CNTN4: variants seen among roughly 807,000 people sequenced by gnomAD.
CNTN4 encodes the protein contactin 4.
CNTN4 carries 77 observed loss-of-function variants against 122.5 expected under a neutral mutation model. That is an observed-to-expected ratio of 0.63 (90% CI 0.52 to 0.76). The LOEUF (loss-of-function observed/expected upper bound fraction) is 0.76, where lower values mean the gene tolerates loss of function less well. Among genes scored for constraint, CNTN4 ranks in the 30% least tolerant of loss-of-function variants. The pLI is 0.00. For synonymous variants in CNTN4, 512 were observed against 447.0 expected (o/e 1.15, Z -1.83); for missense variants, 1,256 against 1,259.1 (o/e 1.00, Z 0.04).
intron 14 of CNTN4, among the ~76,000 whole-genome samples, chr3:3,013,538 G>A (rs1697441901): frequency 6.6e-6 from 1 of 152,066 alleles, no homozygotes; most frequent in African/African-American, 2.4e-5. Flanking sequence ...GAAAATAGCA[G>A]GGTATCCTAT....
At chr3:2,705,869 AAT>A (rs1387808343) in intron 4 of CNTN4, among the ~76,000 whole-genome samples, 3 of 78,814 alleles carry the variant, frequency 3.8e-5, no homozygotes, top group East Asian at 3.3e-4. Flanking sequence ...GTTTATATAT[AAT>A]ATATATTTTT....
chr3:2,672,577 G>A (rs561009336), intron 4 of CNTN4, among the ~76,000 whole-genome samples: 9 of 152,262 alleles, frequency 5.9e-5, no homozygotes, highest in South Asian at 2.1e-4. Context: ...GAGGCAATGC[G>A]TCGCCCTGCT....
At chr3:3,055,834 T>C (rs1335486754) in intron 24 of CNTN4, among the ~76,000 whole-genome samples, 1 of 152,218 alleles carries the variant, frequency 6.6e-6, no homozygotes, top group East Asian at 1.9e-4. Flanking sequence ...CGACATAGCA[T>C]GCTGTTTATC....
At chr3:2,241,574 AATGTCTTTCAG>A (rs1301553717) in intron 2 of CNTN4, among the ~76,000 whole-genome samples, 6 of 152,128 alleles carry the variant, frequency 3.9e-5, no homozygotes, top group Non-Finnish European at 8.8e-5. Flanking sequence ...CATCTTCTGC[AATGTCTTTCAG>A]ATGTCTGCAG....
At chr3:2,825,592 G>C (rs1159633245) in intron 7 of CNTN4, among the ~76,000 whole-genome samples, 1 of 152,094 alleles carries the variant, frequency 6.6e-6, no homozygotes, top group African/African-American at 2.4e-5. Context: ...GAGAGGATGA[G>C]GTGGGAGGAT....
intron 14 of CNTN4, among the ~76,000 whole-genome samples, chr3:3,012,624 T>A (rs1476196993): frequency 6.6e-6 from 1 of 152,054 alleles, no homozygotes; most frequent in Non-Finnish European, 1.5e-5. Flanking sequence ...TAATTTTTTG[T>A]ATTTTTAGTA....
chr3:2,287,754 GAAGAAGAAGAAGAAGA>G (rs2041990379), intron 2 of CNTN4, among the ~76,000 whole-genome samples: 1 of 144,970 alleles, frequency 6.9e-6, no homozygotes, highest in Non-Finnish European at 1.5e-5. Context: ...AGAAGAAGAA[GAAGAAGAAGAAGAAGA>G]AGAAGAAGGA....
At chr3:2,308,565 T>G (rs1453672060) in intron 2 of CNTN4, among the ~76,000 whole-genome samples, 1 of 152,094 alleles carries the variant, frequency 6.6e-6, no homozygotes. Flanking sequence ...CTTCATCTTT[T>G]AAGTTTTGGC....
chr3:2,719,393 C>G (rs2087702658), intron 4 of CNTN4, among the ~76,000 whole-genome samples: 1 of 151,552 alleles, frequency 6.6e-6, no homozygotes, highest in East Asian at 2.0e-4. Flanking sequence ...CTCCTGGGTT[C>G]AAGTGATTCT....
intron 12 of CNTN4, among the ~76,000 whole-genome samples, chr3:2,923,541 A>T (rs746355619): frequency 6.6e-6 from 1 of 152,212 alleles, no homozygotes; most frequent in Non-Finnish European, 1.5e-5. Context: ...TACCTACTGC[A>T]CATGATTCCC....
At chr3:2,165,330 A>G (rs2036149981) in intron 2 of CNTN4, among the ~76,000 whole-genome samples, 1 of 152,100 alleles carries the variant, frequency 6.6e-6, no homozygotes, top group Non-Finnish European at 1.5e-5. Context: ...TCTTAAAAAA[A>G]AAAAAAGACA....
chr3:2,527,424 CTGCTGCTGCTGT>C (rs1370027073), intron 3 of CNTN4, among the ~76,000 whole-genome samples: 31 of 152,350 alleles, frequency 2.0e-4, no homozygotes, highest in South Asian at 6.2e-4. Context: ...GCTGCTGCTG[CTGCTGCTGCTGT>C]TGCTGTTATT....
chr3:2,544,806 A>G (rs1288374658), intron 3 of CNTN4, among the ~76,000 whole-genome samples: 2 of 147,960 alleles, frequency 1.4e-5, no homozygotes, highest in African/African-American at 2.5e-5. Flanking sequence ...TCTTCTTAAT[A>G]TTTTCAAAGA....
chr3:2,937,169 A>G (rs889326885), intron 13 of CNTN4, among the ~76,000 whole-genome samples: 2 of 152,100 alleles, frequency 1.3e-5, no homozygotes, highest in Non-Finnish European at 2.9e-5. Context: ...GTTCTTTGTG[A>G]CTTACACTTT....
intron 3 of CNTN4, among the ~76,000 whole-genome samples, chr3:2,395,586 C>T (rs186625884): frequency 2.3e-4 from 35 of 152,226 alleles, no homozygotes; most frequent in African/African-American, 7.9e-4. Context: ...GTTTTTCAGT[C>T]CTTGCCCCAC....
rs116593044 is a variant in CNTN4, at chr3:2,709,428, G to T, written c.56-26787G>T. ...AACCTGTGCACCAGGGATTTTCAAAGTTCCCTCAGGTGATCATCGTGTGCA... is the reference window on the plus strand; with the variant it reads ...AACCTGTGCACCAGGGATTTTCAAATTTCCCTCAGGTGATCATCGTGTGCA... On this transcript the variant is annotated intron_variant, in intron 4 of 24. Transcript: ENST00000418658. The surrounding 1 kb of genome is among the most constrained non-coding windows in gnomAD (Gnocchi z 5.0). Among the ~76,000 whole-genome samples, 1 of 152,002 alleles carries T rather than the reference G, an allele frequency of 6.6e-6. No individual in the cohort carries two copies. Among genetic ancestry groups the T allele is most frequent in the Non-Finnish European group, 1.5e-5 (1 of 67,992 alleles).
chr3:2,824,665 ATTTAC>A (rs1180543832), intron 7 of CNTN4, among the ~76,000 whole-genome samples: 1 of 151,938 alleles, frequency 6.6e-6, no homozygotes, highest in Non-Finnish European at 1.5e-5. Flanking sequence ...TAATTCATCT[ATTTAC>A]TTATTTTTTG....
At chr3:2,882,973 T>C in intron 8 of CNTN4, 172 bp from the exon 9 acceptor site, 2 of 571,076 alleles carry the variant, frequency 3.5e-6, no homozygotes, top group South Asian at 3.7e-5. Flanking sequence ...TAGCAGTAAC[T>C]GGGAGAAGAG....
intron 8 of CNTN4, among the ~76,000 whole-genome samples, chr3:2,880,685 A>G (rs2093898182): frequency 6.6e-6 from 1 of 152,204 alleles, no homozygotes; most frequent in African/African-American, 2.4e-5. Flanking sequence ...CATGAGTGTA[A>G]TGTATTTGAA....
Sources: allele counts gnomAD v4.1 joint callset (sites outside exome capture counted in the v4.1 genomes callset), GRCh38; gene constraint gnomAD v4.1.1; non-coding constraint Gnocchi (gnomAD v3.1); transcripts MANE v1.5; gene names NCBI Gene and HGNC (gene_info 2026-07-23, HGNC 2026-07-21).